PACS1: variants seen among roughly 807,000 people sequenced by gnomAD.
PACS1 encodes phosphofurin acidic cluster sorting protein 1.
Under a neutral mutation model 115.0 loss-of-function variants are expected in PACS1, and 24 were observed. The observed-to-expected ratio is 0.21, with a 90% CI of 0.15 to 0.29. The LOEUF (loss-of-function observed/expected upper bound fraction) is 0.29. Ranked by LOEUF, PACS1 falls within the 10% of genes least tolerant of loss-of-function variation. The pLI, the probability that PACS1 is intolerant of heterozygous loss-of-function variation, is 1.00. For missense variants in PACS1, 838 were observed against 1,251.2 expected, an observed-to-expected ratio of 0.67 and a Z score of 4.98; for synonymous variants, 453 against 504.5, an observed-to-expected ratio of 0.90 and a Z score of 1.37.
At chr11:66,225,625 TTAA>T (rs2134726891) in intron 10 of PACS1, among the ~76,000 whole-genome samples, 1 of 152,334 alleles carries the variant, frequency 6.6e-6, no homozygotes, top group African/African-American at 2.4e-5. Context: ...CAATTATAGC[TTAA>T]TAAAGCTGGG....
At chr11:66,132,826 G>A (rs1463124575) in intron 1 of PACS1, among the ~76,000 whole-genome samples, 1 of 152,112 alleles carries the variant, frequency 6.6e-6, no homozygotes, top group Non-Finnish European at 1.5e-5. Context: ...ATGCCACCAC[G>A]CCCAGCTAAT....
intron 4 of PACS1, among the ~76,000 whole-genome samples, chr11:66,213,989 C>T (rs918895724): frequency 4.8e-5 from 7 of 144,970 alleles, no homozygotes; most frequent in Non-Finnish European, 7.5e-5. Flanking sequence ...GCCGAGATTG[C>T]GCCACTGCAC....
intron 1 of PACS1, among the ~76,000 whole-genome samples, chr11:66,173,313 C>T (rs1250002309): frequency 3.9e-5 from 6 of 152,146 alleles, no homozygotes; most frequent in Admixed American, 3.9e-4. Context: ...CAATTATTTT[C>T]TTTCAGCATA....
At chr11:66,219,483 T>G in intron 7 of PACS1, 1 of 608,742 alleles carries the variant, frequency 1.6e-6, no homozygotes, top group Non-Finnish European at 3.0e-6. Context: ...GACCCACATT[T>G]GGGAGGTGTT....
intron 1 of PACS1, among the ~76,000 whole-genome samples, chr11:66,136,483 C>T (rs989222942): frequency 3.3e-5 from 5 of 152,098 alleles, no homozygotes; most frequent in African/African-American, 1.2e-4. Flanking sequence ...TGATGAGCAC[C>T]ATGGCTTTCA....
At chr11:66,164,703 C>T (rs1859565099) in intron 1 of PACS1, among the ~76,000 whole-genome samples, 1 of 143,122 alleles carries the variant, frequency 7.0e-6, no homozygotes, top group African/African-American at 2.6e-5. Flanking sequence ...CCTGCCTCAG[C>T]CTCCCAAAGT....
intron 1 of PACS1, among the ~76,000 whole-genome samples, chr11:66,151,998 C>T (rs1299183778): frequency 6.6e-6 from 1 of 152,110 alleles, no homozygotes; most frequent in African/African-American, 2.4e-5. Flanking sequence ...TTTGGGAGGT[C>T]AAGGCAGCAG....
At chr11:66,192,103 T>C (rs368976884) in intron 1 of PACS1, among the ~76,000 whole-genome samples, 1 of 152,058 alleles carries the variant, frequency 6.6e-6, no homozygotes, top group Non-Finnish European at 1.5e-5. Flanking sequence ...TTGTCCTCCT[T>C]TAAAAAAAAA....
At chr11:66,077,494 G>A (rs181842294) in intron 1 of PACS1, among the ~76,000 whole-genome samples, 30 of 152,254 alleles carry the variant, frequency 2.0e-4, no homozygotes, top group Non-Finnish European at 3.8e-4. Context: ...TCTGGAGGTC[G>A]AGGCTTCAGT....
At chr11:66,164,349 G>T (rs1019748798) in intron 1 of PACS1, among the ~76,000 whole-genome samples, 7 of 151,766 alleles carry the variant, frequency 4.6e-5, no homozygotes, top group Admixed American at 4.6e-4. Flanking sequence ...CTGGGGTAAT[G>T]ATATGGTAGG....
At chr11:66,157,888 C>A (rs1859397289) in intron 1 of PACS1, among the ~76,000 whole-genome samples, 1 of 151,586 alleles carries the variant, frequency 6.6e-6, no homozygotes, top group African/African-American at 2.4e-5. Flanking sequence ...ATTTCCTTAT[C>A]CCATCACATG....
Position 66,230,790 on chromosome 11 carries a change from C to G in PACS1, c.1491-15C>G, listed in dbSNP as rs376426950. The G allele has an allele frequency of 3.7e-6, 6 of 1,613,876 alleles. No individual in the cohort carries two copies. Among genetic ancestry groups the G allele is most frequent in the Non-Finnish European group, 5.1e-6 (6 of 1,179,916 alleles). ...GAGGGGCTATTTCACCAGCCTTTTT[C>G]CACCTCCCTGGCAGCAAAGTGGAGG... On this transcript the variant is annotated splice_polypyrimidine_tract_variant and intron_variant, in intron 12 of 23. Coordinates refer to ENST00000320580, the MANE Select transcript of PACS1 (RefSeq NM_018026.4).
intron 1 of PACS1, among the ~76,000 whole-genome samples, chr11:66,124,586 A>G (rs1211252027): frequency 6.6e-6 from 1 of 152,172 alleles, no homozygotes; most frequent in East Asian, 1.9e-4. Context: ...CCTGCTCTGA[A>G]GCCTTTCTTG....
At chr11:66,127,723 T>G (rs1858613460) in intron 1 of PACS1, among the ~76,000 whole-genome samples, 1 of 152,140 alleles carries the variant, frequency 6.6e-6, no homozygotes, top group Non-Finnish European at 1.5e-5. Flanking sequence ...TAAATGGGAG[T>G]TGATGTCCTG....
chr11:66,111,236 TA>T lies in PACS1; in HGVS notation c.356+40400del, dbSNP rs766758095. Among the ~76,000 whole-genome samples, 11 of 152,294 alleles carry T rather than the reference TA, an allele frequency of 7.2e-5. No homozygotes were observed. The East Asian group carries it at 2.1e-3, about 29-fold the overall frequency. Reference sequence around the variant, plus strand: ...GAAAAGGTACAGTAAAAATACAGTATAAAAAATGTTGCATCTGTATAGAACA... The same window carrying T: ...GAAAAGGTACAGTAAAAATACAGTATAAAAATGTTGCATCTGTATAGAACA... On this transcript the variant is annotated intron_variant, in intron 1 of 23. Coordinates refer to ENST00000320580, the MANE Select transcript of PACS1 (RefSeq NM_018026.4).
chr11:66,199,543 A>G (rs1266388084), intron 2 of PACS1, among the ~76,000 whole-genome samples: 1 of 152,180 alleles, frequency 6.6e-6, no homozygotes, highest in African/African-American at 2.4e-5. Flanking sequence ...ACATACCATC[A>G]GAGAAAATGA....
chr11:66,170,909 CAA>C (rs200066946), intron 1 of PACS1, among the ~76,000 whole-genome samples: 99 of 94,340 alleles, frequency 1.0e-3, no homozygotes, highest in Admixed American at 1.3e-3. Flanking sequence ...AACCCTGTCT[CAA>C]AAAAAAAAAA....
chr11:66,096,931 T>C (rs1857800406), intron 1 of PACS1, among the ~76,000 whole-genome samples: 1 of 150,396 alleles, frequency 6.6e-6, no homozygotes, highest in Non-Finnish European at 1.5e-5. Context: ...AACTCCTGGC[T>C]TTGTGGAATC....
intron 1 of PACS1, among the ~76,000 whole-genome samples, chr11:66,103,093 A>C (rs1016311297): frequency 6.6e-6 from 1 of 152,228 alleles, no homozygotes; most frequent in Non-Finnish European, 1.5e-5. Context: ...GGCCTCTGAA[A>C]GTGCTGGGAT....
Sources: gnomAD v4.1 joint callset for allele counts (sites outside exome capture counted in the v4.1 genomes callset) on GRCh38, gnomAD v4.1.1 for gene constraint, MANE v1.5 for transcripts, NCBI Gene and HGNC (gene_info 2026-07-23, HGNC 2026-07-21) for gene names.